The following NPTN variants were observed in gnomAD, a reference collection of about 807,000 sequenced individuals.
NPTN encodes neuroplastin, also known as SDR-1.
Under a neutral mutation model 42.7 loss-of-function variants are expected in NPTN, and 5 were observed. That is an observed-to-expected ratio of 0.12 (90% CI 0.06 to 0.25). The LOEUF (loss-of-function observed/expected upper bound fraction) is 0.25. Ranked by LOEUF, NPTN falls within the 10% of genes least tolerant of loss-of-function variation. NPTN has a pLI of 1.00. For missense variants in NPTN, 307 were observed against 525.4 expected, an observed-to-expected ratio of 0.58 and a Z score of 4.06; for synonymous variants, 180 against 201.9, an observed-to-expected ratio of 0.89 and a Z score of 0.92.
At chr15:73,588,615 A>C (rs966261159) in intron 3 of NPTN, among the ~76,000 whole-genome samples, 7 of 152,226 alleles carry the variant, frequency 4.6e-5, no homozygotes, top group Non-Finnish European at 8.8e-5. Flanking sequence ...TTCGCACCTC[A>C]AAACCTCCAC....
chr15:73,585,030 A>C (rs1896247980), intron 4 of NPTN, among the ~76,000 whole-genome samples: 1 of 152,214 alleles, frequency 6.6e-6, no homozygotes, highest in African/African-American at 2.4e-5. Flanking sequence ...GGCTAGGCTA[A>C]ATGCTTCACT....
At chr15:73,605,562 C>T (rs1274260450) in intron 1 of NPTN, among the ~76,000 whole-genome samples, 2 of 151,778 alleles carry the variant, frequency 1.3e-5, no homozygotes, top group Admixed American at 1.3e-4. Flanking sequence ...AAACTCGTCT[C>T]TACTAAAAAT....
chr15:73,576,469 T>C (rs1309492837), intron 4 of NPTN, among the ~76,000 whole-genome samples: 2 of 152,116 alleles, frequency 1.3e-5, no homozygotes, highest in South Asian at 2.1e-4. Flanking sequence ...GCTAGGATTA[T>C]AGGCATCTGC....
intron 1 of NPTN, among the ~76,000 whole-genome samples, chr15:73,621,530 T>C (rs1595968843): frequency 1.3e-5 from 2 of 152,196 alleles, no homozygotes; most frequent in East Asian, 3.9e-4. Flanking sequence ...CAGCATACAT[T>C]GTAATTTAAT....
At chr15:73,591,876 C>T in intron 3 of NPTN, 90 bp downstream of exon 3, 1 of 1,289,494 alleles carries the variant, frequency 7.8e-7, no homozygotes, top group Non-Finnish European at 1.1e-6. Context: ...TCTCATGTCC[C>T]TTCTGCATGG....
intron 4 of NPTN, among the ~76,000 whole-genome samples, chr15:73,581,928 G>A (rs558926014): frequency 1.3e-5 from 2 of 152,092 alleles, no homozygotes; most frequent in South Asian, 2.1e-4. Flanking sequence ...TCCGCCTCCC[G>A]GGTTCAAGCG....
chr15:73,621,998 G>A (rs935477942), intron 1 of NPTN, among the ~76,000 whole-genome samples: 1 of 151,954 alleles, frequency 6.6e-6, no homozygotes, highest in African/African-American at 2.4e-5. Flanking sequence ...ATCAAACCAT[G>A]ATTTTCTTAG....
rs1894602680 is a variant in NPTN, at chr15:73,560,576, AAC to A, written c.*485_*486del. ...ATGAATATCAGCAGCTTAAAAATGA[AAC>A]AAGCATTTACTTTATTTTGGATTTC... On this transcript the variant is annotated 3_prime_UTR_variant, in exon 9 of 9. Transcript: ENST00000345330. The A allele has an allele frequency of 6.6e-6, 1 of 151,440 alleles. No homozygotes were observed. The highest frequency in any genetic ancestry group is 1.5e-5 in the Non-Finnish European group (1 of 67,816). 9.4% of individuals were successfully genotyped at this position (151,440 alleles called of 1,614,324 possible).
At chr15:73,604,545 G>A (rs1443568557) in intron 1 of NPTN, among the ~76,000 whole-genome samples, 1 of 152,212 alleles carries the variant, frequency 6.6e-6, no homozygotes, top group Non-Finnish European at 1.5e-5. Flanking sequence ...TCCAGACCCT[G>A]AGTCTAGATT....
At chr15:73,599,659 G>A (rs1369529429) in intron 1 of NPTN, 2 of 150,876 alleles carry the variant, frequency 1.3e-5, no homozygotes, top group East Asian at 2.0e-4. Flanking sequence ...AGGGAGGGAG[G>A]GAGGGGAAGT....
intron 4 of NPTN, among the ~76,000 whole-genome samples, chr15:73,580,595 T>C (rs1029335195): frequency 5.2e-4 from 62 of 118,854 alleles, no homozygotes; most frequent in African/African-American, 2.1e-3. Flanking sequence ...ATGTTATATA[T>C]GTATATATGT....
chr15:73,633,115 C>T lies in NPTN; in HGVS notation c.91+10G>A, dbSNP rs763995825. On this transcript the variant is annotated intron_variant, in intron 1 of 8. Transcript: ENST00000345330. ...ACCCCCGCCCGGCCCGCCCCCGGCG[C>T]CCCGCTTACCGTTCTGAGCGGCGCC... 4.1e-6 allele frequency: 6 copies of T among 1,464,946 alleles called. No individual in the cohort carries two copies. Among genetic ancestry groups the T allele is most frequent in the South Asian group, 2.8e-5 (2 of 70,324 alleles). The allele number at this position is 1,464,946 out of a possible 1,614,324, so 90.7% of individuals were successfully genotyped here.
At position 73,633,162 on chromosome 15, in the gene NPTN, A is replaced by G. The variant is rs1898858178; in HGVS notation, c.54T>C (p.Ser18=). ...CGCCTGGCCCTGGGAGGAGGGAGCC[A>G]GAGACCAGCAACAGCGAGAGGGCCA... is the stretch of plus-strand genomic sequence containing the variant. The part of the protein sequence containing the change: ...SALALSLLLV[S]GSLLPGPGAA... The change falls in exon 1 of 9, where the codon TCT becomes TCC. Residue 18 remains serine, a synonymous_variant. Transcript: ENST00000345330. 7 of 1,513,608 alleles carry G rather than the reference A, an allele frequency of 4.6e-6. No individual in the cohort carries two copies. The highest frequency in any genetic ancestry group is 6.2e-6 in the Non-Finnish European group (7 of 1,137,874). 93.8% of individuals were successfully genotyped at this position (1,513,608 alleles called of 1,614,324 possible).
chr15:73,567,514 G>A (rs8037836), intron 6 of NPTN: 539,551 of 984,428 alleles, frequency 0.55, 148,533 homozygotes, highest in African/African-American at 0.6. Flanking sequence ...ACATGGGAAG[G>A]AAGCAGACAG....
At position 73,630,630 on chromosome 15, in the gene NPTN, A is replaced by G. The variant is rs76415500; in HGVS notation, c.91+2495T>C. Among the ~76,000 whole-genome samples, 859 of 152,352 alleles carry G rather than the reference A, an allele frequency of 5.6e-3. 6 individuals carry two copies. The highest frequency in any genetic ancestry group is 0.02 in the African/African-American group (819 of 41,574). On this transcript the variant is annotated intron_variant, in intron 1 of 8. Coordinates refer to ENST00000345330, the MANE Select transcript of NPTN (RefSeq NM_012428.4). ...GGAATAATGAAACAAATGCCTTTTG[A>G]AAAACATCTATATTCAATCTAAACT... is the stretch of plus-strand genomic sequence containing the variant.
chr15:73,572,090 G>A (rs1895432508), intron 5 of NPTN, among the ~76,000 whole-genome samples: 1 of 151,998 alleles, frequency 6.6e-6, no homozygotes. Flanking sequence ...CTCGTTAACG[G>A]GTCTCTGAAA....
At chr15:73,576,810 A>G (rs998090398) in intron 4 of NPTN, among the ~76,000 whole-genome samples, 1 of 152,224 alleles carries the variant, frequency 6.6e-6, no homozygotes, top group Admixed American at 6.5e-5. Context: ...TAAAAAGCCT[A>G]AGTGAAAAAT....
At chr15:73,605,922 T>G (rs1325400437) in intron 1 of NPTN, among the ~76,000 whole-genome samples, 2 of 151,964 alleles carry the variant, frequency 1.3e-5, no homozygotes, top group Admixed American at 6.6e-5. Flanking sequence ...ATGGCCATCA[T>G]GCGGTGGCTC....
chr15:73,618,222 T>A (rs1242811373), intron 1 of NPTN, among the ~76,000 whole-genome samples: 1 of 152,224 alleles, frequency 6.6e-6, no homozygotes, highest in African/African-American at 2.4e-5. Context: ...CCAGCTGAGC[T>A]GTTTCTGAGA....
Sources: allele counts gnomAD v4.1 joint callset (sites outside exome capture counted in the v4.1 genomes callset), GRCh38; gene constraint gnomAD v4.1.1; transcripts MANE v1.5; gene names NCBI Gene and HGNC (gene_info 2026-07-23, HGNC 2026-07-21).